NAB2: variants seen among roughly 807,000 people sequenced by gnomAD.
The protein encoded by NAB2 is NGFI-A binding protein 2, also known as NGFI-A-binding protein 2.
In NAB2, 9 loss-of-function variants were observed where a neutral mutation model predicts 44.2. That is an observed-to-expected ratio of 0.20 (90% confidence interval 0.12 to 0.36). The LOEUF is 0.36. Ranked by LOEUF, NAB2 falls within the 10% of genes least tolerant of loss-of-function variation. The probability of loss-of-function intolerance (pLI) is 1.00; values close to 1 mark genes in which losing one functional copy is unlikely to be tolerated. For synonymous variants in NAB2, 342 were observed against 291.0 expected (o/e 1.18, Z -1.78); for missense variants, 514 against 709.0 (o/e 0.73, Z 3.12).
Position 57,091,582 on chromosome 12 carries a change from G to A in NAB2, c.541G>A (p.Asp181Asn). The change falls in exon 2 of 7, where the codon GAC becomes AAC. Residue 181 changes from aspartate (D) to asparagine (N), a missense_variant. Asp to Asn is a conservative substitution (Grantham distance 23). Coordinates refer to ENST00000300131, the MANE Select transcript of NAB2 (RefSeq NM_005967.4). The surrounding 1 kb of genome is among the most constrained non-coding windows in gnomAD (Gnocchi z 7.3). ...SPLPGGPGAG[D>N]PRIWPGRSTP... ...ACTGCCTGGGGGACCTGGGGCAGGG[G>A]ACCCCCGGATCTGGCCAGGCCGGAG... 6.2e-7 allele frequency: 1 copy of A among 1,606,006 alleles called. No individual in the cohort carries two copies. The highest frequency in any genetic ancestry group is 8.5e-7 in the Non-Finnish European group (1 of 1,174,470).
At position 57,093,129 on chromosome 12, in the gene NAB2, T is replaced by A; in HGVS notation, c.1210T>A (p.Tyr404Asn). The change falls in exon 5 of 7, where the codon TAC (tyrosine) becomes AAC (asparagine). Residue 404 changes from tyrosine (Y) to asparagine (N), a missense_variant. By Grantham distance (143) the Tyr-to-Asn change is moderately radical. Coordinates refer to ENST00000300131, the MANE Select transcript of NAB2 (RefSeq NM_005967.4). ...PPGPESYVPP[Y>N]RPSLEEDSAS... ...AGGCCCTGAGTCCTATGTACCCCCATACCGCCCCAGCCTGGAGGAGGACAG... is the reference window on the plus strand; with the variant it reads ...AGGCCCTGAGTCCTATGTACCCCCAAACCGCCCCAGCCTGGAGGAGGACAG... 1 of 1,613,666 alleles carries A rather than the reference T, an allele frequency of 6.2e-7. No individual in the cohort carries two copies. Among genetic ancestry groups the A allele is most frequent in the Non-Finnish European group, 8.5e-7 (1 of 1,179,784 alleles).
At position 57,091,011 on chromosome 12, in the gene NAB2, A is replaced by G; in HGVS notation, c.84-114A>G. 1.1e-6 allele frequency: 1 copy of G among 935,778 alleles called. No homozygotes were observed. Among genetic ancestry groups the G allele is most frequent in the Non-Finnish European group, 1.6e-6 (1 of 631,444 alleles). The allele number at this position is 935,778 out of a possible 1,614,324, so 58.0% of individuals were successfully genotyped here. A position where few individuals can be genotyped will look rare whatever the true frequency, so the allele number is the denominator to read the frequency against. On this transcript the variant is annotated intron_variant, in intron 1 of 6. Transcript: ENST00000300131. This position sits in a 1 kb window ranked among gnomAD's most constrained non-coding sequence, Gnocchi z 7.3. ...TGGGCACTGGGCAGGATAGCATCCA[A>G]ATGAGGGAGGGGAAGAAAAGCAGGC...
intron 1 of NAB2, among the ~76,000 whole-genome samples, chr12:57,090,202 C>A (rs1453917243): frequency 6.6e-6 from 1 of 152,126 alleles, no homozygotes; most frequent in Non-Finnish European, 1.5e-5. Context: ...CTTAACCAGG[C>A]CGGGCGGGCC....
intron 2 of NAB2, 60 bp from the exon 3 acceptor site, chr12:57,092,388 G>C: frequency 6.3e-7 from 1 of 1,595,344 alleles, no homozygotes; most frequent in Middle Eastern, 1.8e-4. Flanking sequence ...GTGTGAGGAG[G>C]TCTGGTGAGG....
Position 57,091,356 on chromosome 12 carries a change from G to A in NAB2, c.315G>A (p.Glu105=). 6.2e-7 allele frequency: 1 copy of A among 1,614,190 alleles called. No homozygotes were observed. Among genetic ancestry groups the A allele is most frequent in the South Asian group, 1.1e-5 (1 of 91,090 alleles). ...GGCGCCTGCAGAAGGCACTGAGAGA[G>A]TGGGCCACCAATCCAGGGCTCTTCA... The part of the protein sequence containing the change: ...HVRRLQKALR[E]WATNPGLFSQ... Residue 105 remains glutamate, a synonymous_variant, in exon 2 of 7, where the codon GAG becomes GAA. Coordinates refer to ENST00000300131, the MANE Select transcript of NAB2 (RefSeq NM_005967.4). The surrounding 1 kb of genome is among the most constrained non-coding windows in gnomAD (Gnocchi z 7.3).
chr12:57,094,775 C>G lies in NAB2; in HGVS notation c.*54C>G. Reference sequence around the variant, plus strand: ...ACCTCAGACTTCTGGCTCACACAGACCCCCACGCTCTCCATCCCCGGAATC... The same window carrying G: ...ACCTCAGACTTCTGGCTCACACAGAGCCCCACGCTCTCCATCCCCGGAATC... On this transcript the variant is annotated 3_prime_UTR_variant, in exon 7 of 7. Transcript: ENST00000300131. 2.1e-6 allele frequency: 3 copies of G among 1,398,178 alleles called. No individual in the cohort carries two copies. Among genetic ancestry groups the G allele is most frequent in the Non-Finnish European group, 2.9e-6 (3 of 1,024,158 alleles). 86.6% of individuals were successfully genotyped at this position (1,398,178 alleles called of 1,614,324 possible). A position where few individuals can be genotyped will look rare whatever the true frequency, so the allele number is the denominator to read the frequency against.
intron 1 of NAB2, among the ~76,000 whole-genome samples, chr12:57,090,165 G>A (rs566854663): frequency 6.6e-6 from 1 of 152,306 alleles, no homozygotes; most frequent in Non-Finnish European, 1.5e-5. Flanking sequence ...GGTTCTGAGG[G>A]GAGAGAGGAA....
chr12:57,089,416 G>T, intron 1 of NAB2, 62 bp downstream of exon 1: 1 of 1,455,504 alleles, frequency 6.9e-7, no homozygotes, highest in Non-Finnish European at 9.3e-7. Context: ...TGGGAATGGG[G>T]TCCAGAGGGC....
Position 57,093,407 on chromosome 12 carries a change from C to T in NAB2, c.1277C>T (p.Ala426Val). 1 of 1,566,924 alleles carries T rather than the reference C, an allele frequency of 6.4e-7. No homozygotes were observed. ...SGESLDGHLQ[A>V]VGSCPRLTPP... ...ACCTGACCAGTGCCCATGCCCACAG[C>T]TGTGGGGTCATGTCCAAGGCTGACG... Residue 426 changes from alanine to valine, a missense_variant and splice_region_variant, in exon 6 of 7, where the codon GCT (alanine) becomes GTT (valine). Ala to Val is a moderately conservative substitution (Grantham distance 64). Coordinates refer to ENST00000300131, the MANE Select transcript of NAB2 (RefSeq NM_005967.4).
intron 1 of NAB2, among the ~76,000 whole-genome samples, chr12:57,090,390 A>G (rs1454801600): frequency 2.0e-5 from 3 of 152,228 alleles, no homozygotes; most frequent in Non-Finnish European, 4.4e-5. Context: ...AGGCTGAGGC[A>G]GGAGAATCGC....
chr12:57,091,672 C>G lies in NAB2; in HGVS notation c.631C>G (p.Pro211Ala), dbSNP rs2233271. ...EEAGSPPFSPPAGGGVPEGTG... is the reference protein window; with the variant it reads ...EEAGSPPFSPAAGGGVPEGTG... ...GGCTGGCTCGCCCCCCTTCTCCCCCCCTGCAGGGGGAGGAGTCCCTGAGGG... is the reference window on the plus strand; with the variant it reads ...GGCTGGCTCGCCCCCCTTCTCCCCCGCTGCAGGGGGAGGAGTCCCTGAGGG... Residue 211 changes from proline to alanine, a missense_variant, in exon 2 of 7, where the codon CCT becomes GCT. Physicochemically the swap from Pro to Ala is conservative, Grantham distance 27. Coordinates refer to ENST00000300131, the MANE Select transcript of NAB2 (RefSeq NM_005967.4). This position sits in a 1 kb window ranked among gnomAD's most constrained non-coding sequence, Gnocchi z 7.3. The G allele has an allele frequency of 7.4e-6, 12 of 1,611,562 alleles. No individual in the cohort carries two copies. Among genetic ancestry groups the G allele is most frequent in the Middle Eastern group, 1.6e-4 (1 of 6,070 alleles).
intron 1 of NAB2, 85 bp downstream of exon 1, chr12:57,089,439 GAGGACGT>G: frequency 9.7e-7 from 1 of 1,033,552 alleles, no homozygotes; most frequent in Admixed American, 2.6e-5. Context: ...AGGTCGAGGG[GAGGACGT>G]GGGGAAGCAG....
intron 3 of NAB2, 102 bp from the exon 4 acceptor site, chr12:57,092,815 G>A: frequency 6.7e-7 from 1 of 1,494,134 alleles, no homozygotes. Context: ...CAGCTTCTTG[G>A]CAAAGGTTTT....
intron 1 of NAB2, among the ~76,000 whole-genome samples, chr12:57,090,476 CAAATAAATAAAT>C (rs71446599): frequency 6.6e-5 from 10 of 150,500 alleles, no homozygotes; most frequent in Middle Eastern, 6.8e-3. Flanking sequence ...GACTCCGTCT[CAAATAAATAAAT>C]AAATAAATAA....
At position 57,091,185 on chromosome 12, in the gene NAB2, C is replaced by T; in HGVS notation, c.144C>T (p.Val48=). Residue 48 remains valine (V), a synonymous_variant, in exon 2 of 7, where the codon GTC becomes GTT. Coordinates refer to ENST00000300131, the MANE Select transcript of NAB2 (RefSeq NM_005967.4). This position sits in a 1 kb window ranked among gnomAD's most constrained non-coding sequence, Gnocchi z 7.3. ...TGGGGGAGCTGCAGCTGTACCGGGTCCTGCAGCGCGCCAACCTCCTTTCCT... is the reference window on the plus strand; with the variant it reads ...TGGGGGAGCTGCAGCTGTACCGGGTTCTGCAGCGCGCCAACCTCCTTTCCT... ...RTLGELQLYR[V]LQRANLLSYY... is the part of the protein sequence containing the mutation. The T allele has an allele frequency of 6.4e-7, 1 of 1,552,834 alleles. No homozygotes were observed. The highest frequency in any genetic ancestry group is 8.7e-7 in the Non-Finnish European group (1 of 1,144,910).
Position 57,089,119 on chromosome 12 carries a change from G to T in NAB2, c.-153G>T, listed in dbSNP as rs918355368. On this transcript the variant is annotated 5_prime_UTR_variant, in exon 1 of 7. Coordinates refer to ENST00000300131, the MANE Select transcript of NAB2 (RefSeq NM_005967.4). ...GGGTGGGGGGGCAGAGGCACAGACA[G>T]AGGCGCGGAGGCTCGGAGAGAGAAG... 11 of 776,446 alleles carry T rather than the reference G, an allele frequency of 1.4e-5. No individual in the cohort carries two copies. In the African/African-American group the frequency reaches 2.0e-4, roughly 14 times the overall value. 48.1% of individuals were successfully genotyped at this position (776,446 alleles called of 1,614,324 possible).
In NAB2 at chr12:57,092,009, C is replaced by G. The variant is rs1390269055; in HGVS notation, c.957+11C>G. ...CTCAGCCTGCACGAGGTGAGAACCCCCAGGCCTCCTAGGATTGCCCTTGAC... is the reference window on the plus strand; with the variant it reads ...CTCAGCCTGCACGAGGTGAGAACCCGCAGGCCTCCTAGGATTGCCCTTGAC... On this transcript the variant is annotated intron_variant, in intron 2 of 6. Coordinates refer to ENST00000300131, the MANE Select transcript of NAB2 (RefSeq NM_005967.4). 6.9e-6 allele frequency: 11 copies of G among 1,593,468 alleles called. No individual in the cohort carries two copies. Among genetic ancestry groups the G allele is most frequent in the Non-Finnish European group, 8.6e-6 (10 of 1,167,896 alleles).
intron 2 of NAB2, 78 bp from the exon 3 acceptor site, chr12:57,092,370 G>A: frequency 6.4e-6 from 10 of 1,562,432 alleles, no homozygotes; most frequent in South Asian, 1.2e-5. Context: ...TTGTCCAATG[G>A]TGAAGGGGTG....
At position 57,092,430 on chromosome 12, in the gene NAB2, G is replaced by A. The variant is rs1308835808; in HGVS notation, c.958-18G>A. ...GGAAGTTCGAATTCTGACTCTCCTG[G>A]CTGCCCTCCCTCCACAGCTCACCAT... is the stretch of plus-strand genomic sequence containing the variant. On this transcript the variant is annotated intron_variant, in intron 2 of 6. Transcript: ENST00000300131. The A allele has an allele frequency of 6.2e-7, 1 of 1,612,196 alleles. No individual in the cohort carries two copies. Among genetic ancestry groups the A allele is most frequent in the East Asian group, 2.2e-5 (1 of 44,850 alleles).
Sources: gnomAD v4.1 joint callset for allele counts (sites outside exome capture counted in the v4.1 genomes callset) on GRCh38, gnomAD v4.1.1 for gene constraint, Gnocchi (gnomAD v3.1) non-coding constraint, MANE v1.5 for transcripts, NCBI Gene and HGNC (gene_info 2026-07-23, HGNC 2026-07-21) for gene names.